The following FHIT variants were observed in gnomAD, a reference collection of about 807,000 sequenced individuals.
FHIT encodes the protein bis(5'-adenosyl)-triphosphatase.
Under a neutral mutation model 17.9 loss-of-function variants are expected in FHIT, and 19 were observed. The observed-to-expected ratio is 1.06, with a 90% CI of 0.74 to 1.56. The LOEUF (loss-of-function observed/expected upper bound fraction) is 1.56, where lower values mean the gene tolerates loss of function less well. Among genes scored for constraint, FHIT ranks in the 40% most tolerant of loss-of-function variants. The pLI, the probability that FHIT is intolerant of heterozygous loss-of-function variation, is 0.00. For missense variants in FHIT, 248 were observed against 189.2 expected, an observed-to-expected ratio of 1.31 and a Z score of -1.82; for synonymous variants, 81 against 69.7, an observed-to-expected ratio of 1.16 and a Z score of -0.81.
chr3:60,759,197 G>C (rs1699549721), intron 4 of FHIT, among the ~76,000 whole-genome samples: 1 of 152,142 alleles, frequency 6.6e-6, no homozygotes, highest in South Asian at 2.1e-4. Flanking sequence ...ATGGTTTTGA[G>C]TAGAACAGTG....
chr3:61,189,158 T>C (rs2038627446), intron 2 of FHIT, among the ~76,000 whole-genome samples: 1 of 152,200 alleles, frequency 6.6e-6, no homozygotes. Flanking sequence ...TGTTTGCCGA[T>C]GACATGAATG....
At chr3:60,207,186 C>G (rs79256622) in intron 5 of FHIT, among the ~76,000 whole-genome samples, 1 of 147,964 alleles carries the variant, frequency 6.8e-6, no homozygotes. Context: ...GTGTGTGTGT[C>G]TCTGTACCAA....
intron 3 of FHIT, among the ~76,000 whole-genome samples, chr3:60,999,994 T>C (rs923233449): frequency 1.3e-5 from 2 of 152,074 alleles, no homozygotes; most frequent in Non-Finnish European, 2.9e-5. Context: ...ATCCCATCCA[T>C]GAGGGTGGAA....
At chr3:60,013,619 C>A (rs1269222391) in intron 6 of FHIT, among the ~76,000 whole-genome samples, 3 of 152,192 alleles carry the variant, frequency 2.0e-5, no homozygotes, top group Admixed American at 1.3e-4. Flanking sequence ...AAGGCCCAAC[C>A]TAAGCTGCAT....
At chr3:60,682,927 T>G (rs1406558848) in intron 4 of FHIT, among the ~76,000 whole-genome samples, 1 of 152,188 alleles carries the variant, frequency 6.6e-6, no homozygotes, top group Non-Finnish European at 1.5e-5. Flanking sequence ...AAAAGGTGTT[T>G]GGGAGAAGTT....
Position 60,453,258 on chromosome 3 carries a change from G to A in FHIT, c.103+83602C>T, listed in dbSNP as rs897216689. ...TCCACACCTGAATGCTTCTAACTTG[G>A]CTTTGCCATTTTCTGACTCTATTTA... On this transcript the variant is annotated intron_variant, in intron 5 of 9. Coordinates refer to ENST00000492590, the MANE Select transcript of FHIT (RefSeq NM_002012.4). Among the ~76,000 whole-genome samples the A allele has an allele frequency of 1.3e-4, 20 of 151,706 alleles. No homozygotes were observed. The East Asian group carries it at 3.9e-3, about 29-fold the overall frequency.
At chr3:60,769,962 C>A (rs1270746355) in intron 4 of FHIT, among the ~76,000 whole-genome samples, 1 of 152,172 alleles carries the variant, frequency 6.6e-6, no homozygotes, top group Non-Finnish European at 1.5e-5. Context: ...ACACCTCACA[C>A]CCCACTCAAA....
chr3:60,694,949 T>C (rs969562431), intron 4 of FHIT, among the ~76,000 whole-genome samples: 2 of 152,010 alleles, frequency 1.3e-5, no homozygotes, highest in African/African-American at 4.8e-5. Flanking sequence ...CATTAGGAGA[T>C]ATACCTAATG....
Position 59,752,329 on chromosome 3 carries a change from G to GAA in FHIT, c.349-10_349-9dup. On this transcript the variant is annotated splice_polypyrimidine_tract_variant and intron_variant, in intron 8 of 9. Coordinates refer to ENST00000492590, the MANE Select transcript of FHIT (RefSeq NM_002012.4). ...CTTGTCATGTTTCTGGAGCTTTGGAGAAAAAAAAAGGAAGAGGCTCTTTCA... is the reference window on the plus strand; with the variant it reads ...CTTGTCATGTTTCTGGAGCTTTGGAGAAAAAAAAAAAGGAAGAGGCTCTTTCA... 3 of 1,574,260 alleles carry GAA rather than the reference G, an allele frequency of 1.9e-6. No individual in the cohort carries two copies. Among genetic ancestry groups the GAA allele is most frequent in the Non-Finnish European group, 2.6e-6 (3 of 1,157,252 alleles).
intron 2 of FHIT, among the ~76,000 whole-genome samples, chr3:61,060,426 G>T (rs935095639): frequency 6.6e-6 from 1 of 152,152 alleles, no homozygotes; most frequent in Non-Finnish European, 1.5e-5. Flanking sequence ...CTACTATGAC[G>T]ACAGTCAATC....
intron 2 of FHIT, among the ~76,000 whole-genome samples, chr3:61,063,829 T>C (rs2034512959): frequency 6.6e-6 from 1 of 152,194 alleles, no homozygotes; most frequent in African/African-American, 2.4e-5. Flanking sequence ...CCAATTTTAA[T>C]GCAAAATGTT....
intron 3 of FHIT, among the ~76,000 whole-genome samples, chr3:60,980,953 C>T (rs906904274): frequency 6.6e-6 from 1 of 152,224 alleles, no homozygotes; most frequent in Non-Finnish European, 1.5e-5. Flanking sequence ...CTCTCACTCA[C>T]ACAATCTCCC....
intron 2 of FHIT, among the ~76,000 whole-genome samples, chr3:61,079,275 A>G (rs1258943211): frequency 6.6e-6 from 1 of 152,170 alleles, no homozygotes; most frequent in Non-Finnish European, 1.5e-5. Flanking sequence ...CTAAATAACT[A>G]ATAGTATAAG....
chr3:61,206,835 G>C (rs1266871856), intron 1 of FHIT, among the ~76,000 whole-genome samples: 3 of 152,076 alleles, frequency 2.0e-5, no homozygotes, highest in African/African-American at 7.2e-5. Flanking sequence ...GATTGCCCTG[G>C]ACAGAACTTC....
At chr3:60,511,913 T>C (rs1444454263) in intron 5 of FHIT, among the ~76,000 whole-genome samples, 1 of 152,096 alleles carries the variant, frequency 6.6e-6, no homozygotes, top group Non-Finnish European at 1.5e-5. Context: ...ATAAATGGAT[T>C]CTAACACCTT....
chr3:60,221,166 T>A (rs1431480854), intron 5 of FHIT, among the ~76,000 whole-genome samples: 1 of 152,174 alleles, frequency 6.6e-6, no homozygotes, highest in African/African-American at 2.4e-5. Flanking sequence ...AAGCAAAATA[T>A]CTCCTAAAAG....
intron 8 of FHIT, among the ~76,000 whole-genome samples, chr3:59,855,832 G>A (rs1196550454): frequency 6.6e-6 from 1 of 150,766 alleles, no homozygotes; most frequent in East Asian, 1.9e-4. Context: ...TCAGTCTGGA[G>A]TGCAGTGGCA....
At chr3:59,916,084 T>A (rs1275002009) in intron 8 of FHIT, among the ~76,000 whole-genome samples, 2 of 152,124 alleles carry the variant, frequency 1.3e-5, no homozygotes, top group South Asian at 2.1e-4. Flanking sequence ...AGATTAACAT[T>A]TGAGTCAGTG....
intron 5 of FHIT, among the ~76,000 whole-genome samples, chr3:60,327,387 A>C (rs1709748727): frequency 6.6e-6 from 1 of 152,190 alleles, no homozygotes; most frequent in Non-Finnish European, 1.5e-5. Flanking sequence ...AAGCCATACA[A>C]TCTCTGCTGT....
Sources: allele counts gnomAD v4.1 joint callset (sites outside exome capture counted in the v4.1 genomes callset), GRCh38; gene constraint gnomAD v4.1.1; transcripts MANE v1.5; gene names NCBI Gene and HGNC (gene_info 2026-07-23, HGNC 2026-07-21).